The following PIEZO2 variants were observed in gnomAD, a reference collection of about 807,000 sequenced individuals.
PIEZO2 encodes piezo type mechanosensitive ion channel component 2, also known as piezo-type mechanosensitive ion channel component 2.
In PIEZO2, 172 loss-of-function variants were observed where a neutral mutation model predicts 337.3. That is an observed-to-expected ratio of 0.51 (90% CI 0.45 to 0.58). PIEZO2 has a LOEUF of 0.58. PIEZO2 is among the 20% of genes least tolerant of loss of function. The probability of loss-of-function intolerance (pLI) is 0.00; values close to 1 mark genes in which losing one functional copy is unlikely to be tolerated. For synonymous variants in PIEZO2, 1,251 were observed against 1,228.5 expected (o/e 1.02, Z -0.38); for missense variants, 3,028 against 3,391.3 (o/e 0.89, Z 2.66).
intron 7 of PIEZO2, among the ~76,000 whole-genome samples, chr18:10,814,219 T>C (rs2040292137): frequency 6.6e-6 from 1 of 152,110 alleles, no homozygotes; most frequent in African/African-American, 2.4e-5. Flanking sequence ...TCTGCCCGCC[T>C]TGGCCTCCCA....
Position 10,736,615 on chromosome 18 carries a change from A to G in PIEZO2, c.4804T>C (p.Ser1602Pro), listed in dbSNP as rs1461355677. Residue 1602 changes from serine (S) to proline (P), a missense_variant, in exon 34 of 56, where the codon TCA (serine) becomes CCA (proline). By Grantham distance (74) the Ser-to-Pro change is moderately conservative. Transcript: ENST00000674853. Reference sequence around the variant, plus strand: ...TTCCCCATAATTACCTGGAATGCTGACCTTCGTGGAGGTTCTTCATCTTCC... The same window carrying G: ...TTCCCCATAATTACCTGGAATGCTGGCCTTCGTGGAGGTTCTTCATCTTCC... ...KKEDEEPPRR[S>P]AFQRAIGKFA... The G allele has an allele frequency of 6.5e-7, 1 of 1,537,018 alleles. No individual in the cohort carries two copies. Among genetic ancestry groups the G allele is most frequent in the Admixed American group, 2.0e-5 (1 of 50,962 alleles).
intron 22 of PIEZO2, 88 bp from the exon 23 acceptor site, chr18:10,762,713 GAT>G (rs2038188510): frequency 6.9e-7 from 1 of 1,448,018 alleles, no homozygotes; most frequent in African/African-American, 1.4e-5. Flanking sequence ...TGAGCAAAAT[GAT>G]AGTGGTAGGA....
Position 10,780,374 on chromosome 18 carries a change from G to A in PIEZO2, c.2493-8C>T, listed in dbSNP as rs1042014899. On this transcript the variant is annotated splice_region_variant and splice_polypyrimidine_tract_variant and intron_variant, in intron 17 of 55. Coordinates refer to ENST00000674853, the MANE Select transcript of PIEZO2 (RefSeq NM_001378183.1). ...CCATTGACTTTGGCATGGCTACGAG[G>A]TGGCAGACGGAAGCACAGGGATGCA... The A allele has an allele frequency of 2.0e-5, 14 of 702,836 alleles. No individual in the cohort carries two copies. The African/African-American group carries it at 2.3e-4, about 11-fold the overall frequency. The allele number at this position is 702,836 out of a possible 1,614,324, so 43.5% of individuals were successfully genotyped here.
Position 11,031,242 on chromosome 18 carries a change from A to G in PIEZO2, c.160+34885T>C, listed in dbSNP as rs1473054116. On this transcript the variant is annotated intron_variant, in intron 2 of 55. Transcript: ENST00000674853. This position sits in a 1 kb window ranked among gnomAD's most constrained non-coding sequence, Gnocchi z 4.7. ...TCTCAATCTCCTGACCTCGTGATCC[A>G]CCCACCTCAGCCTCCCAAAGTGCTG... 1.3e-5 allele frequency among the ~76,000 whole-genome samples: 2 copies of G among 150,162 alleles called. No homozygotes were observed. Among genetic ancestry groups the G allele is most frequent in the South Asian group, 2.1e-4 (1 of 4,732 alleles).
chr18:10,691,278 C>T lies in PIEZO2; in HGVS notation c.7296G>A (p.Leu2432=). The change falls in exon 48 of 56, where the codon CTG becomes CTA. Residue 2432 remains leucine, a synonymous_variant. Coordinates refer to ENST00000674853, the MANE Select transcript of PIEZO2 (RefSeq NM_001378183.1). ...QIRCGYPTRV[L]GNFLTKSYNY... The stretch of plus-strand genomic sequence containing the variant: ...TGTAGCTCTTGGTGAGGAAGTTCCC[C>T]AGGACTCGCGTTGGGTAGCCACAAC... 1 of 1,614,054 alleles carries T rather than the reference C, an allele frequency of 6.2e-7. No individual in the cohort carries two copies. Among genetic ancestry groups the T allele is most frequent in the Middle Eastern group, 1.6e-4 (1 of 6,062 alleles).
intron 3 of PIEZO2, among the ~76,000 whole-genome samples, chr18:10,939,957 G>A (rs1196269810): frequency 2.6e-5 from 4 of 151,926 alleles, no homozygotes; most frequent in Admixed American, 6.6e-5. Context: ...AAAATACCTC[G>A]GCAGAGGCAG....
At chr18:10,717,129 G>T (rs1441981055) in intron 37 of PIEZO2, among the ~76,000 whole-genome samples, 1 of 152,182 alleles carries the variant, frequency 6.6e-6, no homozygotes, top group Non-Finnish European at 1.5e-5. Flanking sequence ...CAACTAAGAG[G>T]TTAAGTCGGT....
chr18:11,106,193 T>A (rs528330006), intron 1 of PIEZO2, among the ~76,000 whole-genome samples: 10 of 152,004 alleles, frequency 6.6e-5, no homozygotes, highest in African/African-American at 2.4e-4. Flanking sequence ...TTCACGTCAT[T>A]CTCCTGCCTC....
intron 37 of PIEZO2, among the ~76,000 whole-genome samples, chr18:10,717,018 G>A (rs1342919086): frequency 1.3e-5 from 2 of 152,088 alleles, no homozygotes; most frequent in African/African-American, 2.4e-5. Context: ...TAACCACAGG[G>A]GCAGTAGGGC....
chr18:10,742,564 C>G lies in PIEZO2; in HGVS notation c.4566G>C (p.Arg1522Ser), dbSNP rs1487702518. Reference sequence around the variant, plus strand: ...CTGGCTCCTGGGTCAAGCTCAGCATCCTCTCCTTACCCTTTTTATATTTCT... The same window carrying G: ...CTGGCTCCTGGGTCAAGCTCAGCATGCTCTCCTTACCCTTTTTATATTTCT... ...RQQKYKKGKE[R>S]MLSLTQEPGE... The change falls in exon 32 of 56, where the codon AGG becomes AGC. Residue 1522 changes from arginine to serine, a missense_variant. By Grantham distance (110) the Arg-to-Ser change is moderately radical. This residue lies in a region of PIEZO2 where 1,925 missense variants were observed against 2,051.9 expected (regional missense o/e 0.94). Transcript: ENST00000674853. 2 of 1,537,166 alleles carry G rather than the reference C, an allele frequency of 1.3e-6. No individual in the cohort carries two copies. Among genetic ancestry groups the G allele is most frequent in the South Asian group, 2.4e-5 (2 of 84,048 alleles).
chr18:10,797,764 A>T (rs2039664296), intron 11 of PIEZO2, among the ~76,000 whole-genome samples: 1 of 152,218 alleles, frequency 6.6e-6, no homozygotes, highest in Non-Finnish European at 1.5e-5. Flanking sequence ...AAGATACGGA[A>T]TGAAGCCTCT....
In PIEZO2 at chr18:10,878,093, T is replaced by C. The variant is rs1166447516; in HGVS notation, c.330-6678A>G. Among the ~76,000 whole-genome samples the C allele has an allele frequency of 6.6e-6, 1 of 152,032 alleles. No individual in the cohort carries two copies. Among genetic ancestry groups the C allele is most frequent in the East Asian group, 1.9e-4 (1 of 5,176 alleles). ...CATTCCAGAATAGAATGGACCGCCA[T>C]CCCTCCCACATCCTCCATCAGTAGA... On this transcript the variant is annotated intron_variant, in intron 4 of 55. Coordinates refer to ENST00000674853, the MANE Select transcript of PIEZO2 (RefSeq NM_001378183.1). This position sits in a 1 kb window ranked among gnomAD's most constrained non-coding sequence, Gnocchi z 4.3.
rs911139402 is a variant in PIEZO2 at position 10,870,419 on chromosome 18, T to C, written c.492+834A>G. Among the ~76,000 whole-genome samples the C allele has an allele frequency of 6.6e-6, 1 of 151,404 alleles. No homozygotes were observed. The highest frequency in any genetic ancestry group is 2.4e-5 in the African/African-American group (1 of 41,376). Reference sequence around the variant, plus strand: ...GCTTATGACTGAAAACATTTAGTACTTGCAAGCGTTTTGCATCAAATGTCC... The same window carrying C: ...GCTTATGACTGAAAACATTTAGTACCTGCAAGCGTTTTGCATCAAATGTCC... On this transcript the variant is annotated intron_variant, in intron 5 of 55. Coordinates refer to ENST00000674853, the MANE Select transcript of PIEZO2 (RefSeq NM_001378183.1). The surrounding 1 kb of genome is among the most constrained non-coding windows in gnomAD (Gnocchi z 5.3).
chr18:10,778,835 C>T lies in PIEZO2; in HGVS notation c.2534+1490G>A, dbSNP rs188377566. On this transcript the variant is annotated intron_variant, in intron 18 of 55. Transcript: ENST00000674853. The stretch of plus-strand genomic sequence containing the variant: ...CATTCATGATATAAGTCTCGTCCTT[C>T]GGGATCAAAAGTCATACGAGTTGCT... 1.7e-3 allele frequency among the ~76,000 whole-genome samples: 260 copies of T among 152,264 alleles called. 1 individual carries two copies. Among genetic ancestry groups the T allele is most frequent in the African/African-American group, 5.8e-3 (240 of 41,558 alleles).
At position 11,148,483 on chromosome 18, in the gene PIEZO2, C is replaced by T. The variant is rs1175214479; in HGVS notation, c.64+42G>A. 1 of 1,533,980 alleles carries T rather than the reference C, an allele frequency of 6.5e-7. No individual in the cohort carries two copies. On this transcript the variant is annotated intron_variant, in intron 1 of 55. Transcript: ENST00000674853. This position sits in a 1 kb window ranked among gnomAD's most constrained non-coding sequence, Gnocchi z 5.2. ...AGAAGTCCCCCACCCAGGCGCCCCC[C>T]TCGTCCTCCTCAAGTGCCCTCGGAA...
At chr18:11,076,657 A>G (rs1259986527) in intron 1 of PIEZO2, among the ~76,000 whole-genome samples, 1 of 152,194 alleles carries the variant, frequency 6.6e-6, no homozygotes, top group Non-Finnish European at 1.5e-5. Flanking sequence ...CAGATCAAAT[A>G]TTAGCAACAG....
chr18:10,809,279 T>C (rs1310101909), intron 7 of PIEZO2, among the ~76,000 whole-genome samples: 1 of 136,756 alleles, frequency 7.3e-6, no homozygotes, highest in African/African-American at 2.8e-5. Context: ...TTTTTTTTTT[T>C]TTTTTTTTTT....
Position 10,952,555 on chromosome 18 carries a change from A to G in PIEZO2, c.286+26980T>C, listed in dbSNP as rs758795844. ...ATGTACCCATAGTTTGTTGCTTTCT[A>G]TTGTTGACCTGTGTAGTCCATCCAG... is the stretch of plus-strand genomic sequence containing the variant. On this transcript the variant is annotated intron_variant, in intron 3 of 55. Transcript: ENST00000674853. The surrounding 1 kb of genome is among the most constrained non-coding windows in gnomAD (Gnocchi z 4.1). Among the ~76,000 whole-genome samples the G allele has an allele frequency of 3.3e-5, 5 of 152,184 alleles. No individual in the cohort carries two copies. The highest frequency in any genetic ancestry group is 5.9e-5 in the Non-Finnish European group (4 of 68,028).
intron 2 of PIEZO2, among the ~76,000 whole-genome samples, chr18:10,987,856 C>A (rs1019004270): frequency 2.0e-5 from 3 of 151,946 alleles, no homozygotes; most frequent in African/African-American, 7.3e-5. Flanking sequence ...AAACAAATAA[C>A]CACATTAACA....
Sources: allele counts gnomAD v4.1 joint callset (sites outside exome capture counted in the v4.1 genomes callset), GRCh38; gene constraint gnomAD v4.1.1; regional missense constraint gnomAD v4.1.1; non-coding constraint Gnocchi (gnomAD v3.1); transcripts MANE v1.5; gene names NCBI Gene and HGNC (gene_info 2026-07-23, HGNC 2026-07-21).